SULF1: variants seen among roughly 807,000 people sequenced by gnomAD.
The protein encoded by SULF1 is extracellular sulfatase Sulf-1.
A neutral mutation model predicts 110.5 loss-of-function variants in SULF1; 46 were observed. That is an observed-to-expected ratio of 0.42 (90% confidence interval 0.33 to 0.53). SULF1 has a LOEUF of 0.53. SULF1 is among the 20% of genes least tolerant of loss of function. The pLI is 0.12. For missense variants in SULF1, 941 were observed against 1,094.2 expected (o/e 0.86, Z 1.98); for synonymous variants, 371 against 387.1 (o/e 0.96, Z 0.49).
At chr8:69,595,841 A>G (rs1428545111) in intron 8 of SULF1, among the ~76,000 whole-genome samples, 1 of 152,186 alleles carries the variant, frequency 6.6e-6, no homozygotes, top group Non-Finnish European at 1.5e-5. Flanking sequence ...GTTCTTTGCA[A>G]TTCCCCAGGT....
chr8:69,553,025 G>T (rs1814841568), intron 3 of SULF1, among the ~76,000 whole-genome samples: 1 of 152,166 alleles, frequency 6.6e-6, no homozygotes, highest in South Asian at 2.1e-4. Context: ...TTCATTAAAG[G>T]TTGATGGAGG....
chr8:69,608,313 C>T (rs111348837), intron 13 of SULF1, among the ~76,000 whole-genome samples: 136 of 152,266 alleles, frequency 8.9e-4, no homozygotes, highest in African/African-American at 2.8e-3. Context: ...CTCTAGTGTG[C>T]GAATATTGGG....
At chr8:69,535,370 C>G (rs972542044) in intron 3 of SULF1, among the ~76,000 whole-genome samples, 2 of 152,174 alleles carry the variant, frequency 1.3e-5, no homozygotes, top group Admixed American at 1.3e-4. Context: ...GGGCATTGAT[C>G]AGCCTTTAAA....
intron 3 of SULF1, among the ~76,000 whole-genome samples, chr8:69,504,985 G>A (rs1489623311): frequency 6.6e-6 from 1 of 152,026 alleles, no homozygotes; most frequent in African/African-American, 2.4e-5. Context: ...ATATCATTTG[G>A]GTATAAAGTT....
In SULF1 at chr8:69,499,711, C is replaced by T. The variant is rs368869523; in HGVS notation, c.-228-2163C>T. 2.0e-4 allele frequency among the ~76,000 whole-genome samples: 30 copies of T among 152,270 alleles called. No homozygotes were observed. In the East Asian group the frequency reaches 5.4e-3, roughly 27 times the overall value. On this transcript the variant is annotated intron_variant, in intron 2 of 22. Coordinates refer to ENST00000402687, the MANE Select transcript of SULF1 (RefSeq NM_001128205.2). ...GCTGCCTCTGTTCTTTCTTCAATAG[C>T]CCATAACAATTAAATTATTATATGA...
In SULF1 at chr8:69,601,679, G is replaced by A. The variant is rs1375635725; in HGVS notation, c.911G>A (p.Gly304Glu). The change falls in exon 10 of 23, where the codon GGG becomes GAG. Residue 304 changes from glycine to glutamate, a missense_variant. This residue lies in a region of SULF1 where 822 missense variants were observed against 934.3 expected (regional missense o/e 0.88). Coordinates refer to ENST00000402687, the MANE Select transcript of SULF1 (RefSeq NM_001128205.2). ...ERLYNMLVET[G>E]ELENTYIIYT... ...CTGTATAACATGCTCGTGGAGACGG[G>A]GGAGCTGGAGAATACTTACATCATT... is the stretch of plus-strand genomic sequence containing the variant. 2.5e-6 allele frequency: 4 copies of A among 1,611,432 alleles called. No individual in the cohort carries two copies. The highest frequency in any genetic ancestry group is 2.7e-5 in the African/African-American group (2 of 74,822).
chr8:69,655,949 C>G (rs1812693761), intron 22 of SULF1, among the ~76,000 whole-genome samples: 1 of 152,148 alleles, frequency 6.6e-6, no homozygotes, highest in Non-Finnish European at 1.5e-5. Context: ...AATGTGCACC[C>G]TCTATATTTT....
intron 3 of SULF1, among the ~76,000 whole-genome samples, chr8:69,538,980 C>T (rs545753767): frequency 3.9e-5 from 6 of 152,278 alleles, no homozygotes; most frequent in Non-Finnish European, 7.4e-5. Flanking sequence ...CGTAAGCTAC[C>T]GTGCCCAGCC....
At position 69,564,162 on chromosome 8, in the gene SULF1, T is replaced by C. The variant is rs1333511916; in HGVS notation, c.172+15T>C. On this transcript the variant is annotated intron_variant, in intron 5 of 22. Transcript: ENST00000402687. ...TGTGGAGCTGGGTGAGACACTGGAC[T>C]CTTCACTTGTTAGTCTCTTTTGTTC... The C allele has an allele frequency of 1.2e-5, 19 of 1,612,966 alleles. No individual in the cohort carries two copies. The highest frequency in any genetic ancestry group is 8.3e-5 in the Admixed American group (5 of 59,986).
At chr8:69,626,470 G>A (rs569312976) in intron 15 of SULF1, among the ~76,000 whole-genome samples, 4 of 152,362 alleles carry the variant, frequency 2.6e-5, no homozygotes, top group Admixed American at 2.6e-4. Context: ...TGCCAGTCCC[G>A]CGCCATGCGC....
chr8:69,601,209 T>C (rs990772370), intron 9 of SULF1, among the ~76,000 whole-genome samples: 5 of 152,232 alleles, frequency 3.3e-5, no homozygotes, highest in African/African-American at 1.2e-4. Context: ...TTTGAAATTT[T>C]CTGAACTTTG....
intron 3 of SULF1, among the ~76,000 whole-genome samples, chr8:69,553,720 C>T (rs1286581524): frequency 6.6e-6 from 1 of 152,140 alleles, no homozygotes; most frequent in Non-Finnish European, 1.5e-5. Flanking sequence ...TTTAGTTTCC[C>T]CTCAATTTTT....
chr8:69,582,156 A>G (rs1806116018), intron 6 of SULF1, among the ~76,000 whole-genome samples: 1 of 152,240 alleles, frequency 6.6e-6, no homozygotes, highest in Admixed American at 6.5e-5. Context: ...AGGAAACAAA[A>G]AAACCCCAAC....
chr8:69,468,043 A>T (rs1190813127), intron 1 of SULF1, among the ~76,000 whole-genome samples: 4 of 152,200 alleles, frequency 2.6e-5, no homozygotes, highest in African/African-American at 9.6e-5. Context: ...AAAACATAAA[A>T]TTTTTTATTT....
chr8:69,591,478 G>C (rs553094631), intron 8 of SULF1, among the ~76,000 whole-genome samples: 1 of 151,814 alleles, frequency 6.6e-6, no homozygotes, highest in South Asian at 2.1e-4. Flanking sequence ...GCAGGAGAAT[G>C]GCATGAACCC....
At chr8:69,509,978 G>A (rs921363007) in intron 3 of SULF1, among the ~76,000 whole-genome samples, 7 of 152,178 alleles carry the variant, frequency 4.6e-5, no homozygotes, top group African/African-American at 1.4e-4. Flanking sequence ...ATGTTTGAAC[G>A]ACTGTTCTAG....
intron 1 of SULF1, among the ~76,000 whole-genome samples, chr8:69,467,349 G>A (rs1236794124): frequency 6.6e-6 from 1 of 152,184 alleles, no homozygotes; most frequent in Admixed American, 6.5e-5. Context: ...TCTTTGAAGG[G>A]TCTATTACTG....
chr8:69,629,824 A>G (rs1213840248), intron 19 of SULF1, 145 bp downstream of exon 19: 2 of 752,316 alleles, frequency 2.7e-6, no homozygotes, highest in Non-Finnish European at 4.1e-6. Context: ...GGAAACTCAA[A>G]TGATTTTGCC....
intron 3 of SULF1, among the ~76,000 whole-genome samples, chr8:69,517,224 C>T (rs1811987510): frequency 6.6e-6 from 1 of 152,078 alleles, no homozygotes; most frequent in Non-Finnish European, 1.5e-5. Flanking sequence ...AATAGGAGCC[C>T]ACTCTCATGA....
Sources: gnomAD v4.1 joint callset for allele counts (sites outside exome capture counted in the v4.1 genomes callset) on GRCh38, gnomAD v4.1.1 for gene constraint, gnomAD v4.1.1 regional missense constraint, MANE v1.5 for transcripts, NCBI Gene and HGNC (gene_info 2026-07-23, HGNC 2026-07-21) for gene names.